IQSEC3: variants seen among roughly 807,000 people sequenced by gnomAD.
IQSEC3 encodes IQ motif and SEC7 domain-containing protein 3.
IQSEC3 carries 50 observed loss-of-function variants against 105.4 expected under a neutral mutation model. The ratio of observed to expected loss-of-function variants is 0.47; its 90% CI spans 0.38 to 0.60. IQSEC3 has a LOEUF of 0.60. Ranked by LOEUF, IQSEC3 falls within the 20% of genes least tolerant of loss-of-function variation. The probability of loss-of-function intolerance (pLI) is 0.00; values close to 1 mark genes in which losing one functional copy is unlikely to be tolerated. For synonymous variants in IQSEC3, 708 were observed against 746.0 expected (o/e 0.95, Z 0.83); for missense variants, 1,415 against 1,630.0 (o/e 0.87, Z 2.27).
intron 12 of IQSEC3, among the ~76,000 whole-genome samples, chr12:169,775 A>G (rs1938873315): frequency 2.0e-5 from 3 of 152,332 alleles, no homozygotes; most frequent in Admixed American, 6.5e-5. Context: ...ACCAGCCCCA[A>G]ATAAAGAGCA....
At chr12:72,579 G>T (rs1227546393) in intron 1 of IQSEC3, among the ~76,000 whole-genome samples, 2 of 129,010 alleles carry the variant, frequency 1.6e-5, no homozygotes, top group African/African-American at 5.1e-5. Flanking sequence ...ACTCTCAGAG[G>T]TGAGGCCATC....
intron 2 of IQSEC3, among the ~76,000 whole-genome samples, chr12:103,760 G>A: frequency 5.5e-5 from 1 of 18,262 alleles, no homozygotes; most frequent in Non-Finnish European, 1.0e-4. Flanking sequence ...AGGGCTGGGG[G>A]GAGGTGGGGC....
In IQSEC3 at chr12:138,955, A is replaced by G; in HGVS notation, c.1592A>G (p.Glu531Gly). The G allele has an allele frequency of 6.4e-7, 1 of 1,569,424 alleles. No individual in the cohort carries two copies. The highest frequency in any genetic ancestry group is 1.2e-5 in the South Asian group (1 of 86,856). ...EPAAGKAEQG[E>G]TSGREAPEAP... ...GCGGCGGGCAAGGCCGAGCAGGGCG[A>G]GACCTCTGGGCGGGAGGCCCCGGAA... The change falls in exon 4 of 14, where the codon GAG (glutamate) becomes GGG (glycine). Residue 531 changes from glutamate (E) to glycine (G), a missense_variant. Glu to Gly is a moderately conservative substitution (Grantham distance 98, BLOSUM62 -2). This residue lies in a region of IQSEC3 where 720 missense variants were observed against 633.0 expected (regional missense o/e 1.14). Coordinates refer to ENST00000538872, the MANE Select transcript of IQSEC3 (RefSeq NM_001170738.2). This position sits in a 1 kb window ranked among gnomAD's most constrained non-coding sequence, Gnocchi z 7.1.
Position 138,423 on chromosome 12 carries a change from C to T in IQSEC3, c.1060C>T (p.Arg354Cys), listed in dbSNP as rs532177168. ...ESRLPRRISL[R>C]KVRSPTAESL... Reference sequence around the variant, plus strand: ...CCGCCTGCCACGGCGGATCTCCCTGCGCAAGGTGCGGTCACCCACGGCCGA... The same window carrying T: ...CCGCCTGCCACGGCGGATCTCCCTGTGCAAGGTGCGGTCACCCACGGCCGA... Residue 354 changes from arginine (R) to cysteine (C), a missense_variant, in exon 4 of 14, where the codon CGC (arginine) becomes TGC (cysteine). By Grantham distance (180) the Arg-to-Cys change is radical. Transcript: ENST00000538872. The surrounding 1 kb of genome is among the most constrained non-coding windows in gnomAD (Gnocchi z 7.1). 30 of 1,608,022 alleles carry T rather than the reference C, an allele frequency of 1.9e-5. No individual in the cohort carries two copies. Among genetic ancestry groups the T allele is most frequent in the African/African-American group, 5.3e-5 (4 of 74,924 alleles).
At chr12:92,518 G>A (rs527855338) in intron 1 of IQSEC3, among the ~76,000 whole-genome samples, 4 of 152,308 alleles carry the variant, frequency 2.6e-5, no homozygotes, top group Non-Finnish European at 5.9e-5. Context: ...AGGCACTTGA[G>A]TGGTTCCCCT....
At chr12:130,802 G>C (rs1012263434) in intron 3 of IQSEC3, among the ~76,000 whole-genome samples, 5 of 152,330 alleles carry the variant, frequency 3.3e-5, no homozygotes, top group Admixed American at 6.5e-5. Flanking sequence ...CAGACCCAAG[G>C]CTCCTGTGGG....
At chr12:105,377 T>C (rs1864612798) in intron 2 of IQSEC3, among the ~76,000 whole-genome samples, 1 of 151,746 alleles carries the variant, frequency 6.6e-6, no homozygotes, top group Admixed American at 6.5e-5. Context: ...GGCTCTGGGG[T>C]GGGACAGAGT....
At chr12:83,664 A>G (rs1591635394) in intron 1 of IQSEC3, among the ~76,000 whole-genome samples, 1 of 103,382 alleles carries the variant, frequency 9.7e-6, no homozygotes, top group African/African-American at 3.8e-5. Context: ...GGGCCTTCTG[A>G]GGGAGTTTGT....
chr12:103,862 C>CGGGGGCTCTGGAGGGGAGGCGGG, intron 2 of IQSEC3, among the ~76,000 whole-genome samples: 1 of 5,536 alleles, frequency 1.8e-4, no homozygotes, highest in Admixed American at 1.6e-3. Context: ...TGAGGGGAGG[C>CGGGGGCTCTGGAGGGGAGGCGGG]GGCTCGGGAG....
At chr12:136,967 G>C (rs909965173) in intron 3 of IQSEC3, among the ~76,000 whole-genome samples, 5 of 152,140 alleles carry the variant, frequency 3.3e-5, no homozygotes, top group African/African-American at 1.2e-4. Flanking sequence ...GAGCCGAGAG[G>C]AGGCACGCTG....
intron 1 of IQSEC3, among the ~76,000 whole-genome samples, chr12:92,209 G>A (rs2042954281): frequency 6.6e-6 from 1 of 152,224 alleles, no homozygotes; most frequent in Admixed American, 6.5e-5. Context: ...GAAGTCTTTG[G>A]CTGGGATTCT....
intron 7 of IQSEC3, among the ~76,000 whole-genome samples, chr12:158,433 T>C (rs2137042527): frequency 6.6e-6 from 1 of 152,296 alleles, no homozygotes; most frequent in Admixed American, 6.5e-5. Flanking sequence ...TGTGTAAGCC[T>C]GAAGTTTGAT....
chr12:107,646 G>A (rs376574725), intron 2 of IQSEC3, among the ~76,000 whole-genome samples: 69 of 152,024 alleles, frequency 4.5e-4, no homozygotes, highest in Admixed American at 7.9e-4. Flanking sequence ...TCCTGACCTC[G>A]TGATCCGCCC....
intron 1 of IQSEC3, among the ~76,000 whole-genome samples, chr12:72,234 C>G (rs1182254832): frequency 3.9e-5 from 6 of 152,044 alleles, no homozygotes; most frequent in Non-Finnish European, 8.8e-5. Flanking sequence ...CCTGCTGATT[C>G]AGCAAATCTC....
Position 82,199 on chromosome 12 carries a change from G to A in IQSEC3, c.554+14763G>A, listed in dbSNP as rs527637241. Among the ~76,000 whole-genome samples the A allele has an allele frequency of 2.6e-5, 4 of 152,280 alleles. No individual in the cohort carries two copies. In the East Asian group the frequency reaches 7.7e-4, roughly 29 times the overall value. On this transcript the variant is annotated intron_variant, in intron 1 of 13. Transcript: ENST00000538872. ...GTTAGAAAATTGTTAATTTAGTTAG[G>A]TATGATTATGGTACTCATATCTTTT... is the stretch of plus-strand genomic sequence containing the variant.
rs375972232 is a variant in IQSEC3 at position 126,146 on chromosome 12, C to T, written c.903+234C>T. 2.0e-5 allele frequency among the ~76,000 whole-genome samples: 3 copies of T among 152,240 alleles called. No individual in the cohort carries two copies. In the South Asian group the frequency reaches 6.2e-4, roughly 31 times the overall value. On this transcript the variant is annotated intron_variant, in intron 3 of 13. Coordinates refer to ENST00000538872, the MANE Select transcript of IQSEC3 (RefSeq NM_001170738.2). The stretch of plus-strand genomic sequence containing the variant: ...CGCAATGCCAGGCCCTTGGGCAGCA[C>T]GTCCAGGGGCTCTGCTCCTCACACA...
At chr12:156,957 A>G in intron 5 of IQSEC3, 68 bp from the exon 6 acceptor site, 1 of 1,439,526 alleles carries the variant, frequency 6.9e-7, no homozygotes, top group Non-Finnish European at 9.2e-7. Flanking sequence ...AACAGAGGCC[A>G]GCGAGAATGG....
At chr12:140,805 T>A in intron 4 of IQSEC3, 1 of 302,322 alleles carries the variant, frequency 3.3e-6, no homozygotes, top group Non-Finnish European at 6.1e-6. Context: ...GGTGGGGACC[T>A]GCATATTGAC....
At chr12:107,490 A>G (rs1440905661) in intron 2 of IQSEC3, among the ~76,000 whole-genome samples, 4 of 144,904 alleles carry the variant, frequency 2.8e-5, no homozygotes, top group African/African-American at 7.8e-5. Context: ...GCTCACTGCA[A>G]GCTCCGCCTC....
Sources: allele counts gnomAD v4.1 joint callset (sites outside exome capture counted in the v4.1 genomes callset), GRCh38; gene constraint gnomAD v4.1.1; regional missense constraint gnomAD v4.1.1; non-coding constraint Gnocchi (gnomAD v3.1); transcripts MANE v1.5; gene names NCBI Gene and HGNC (gene_info 2026-07-23, HGNC 2026-07-21).